Variants in KCNN2 observed in about 807,000 individuals in gnomAD.
KCNN2 encodes the protein small conductance calcium-activated potassium channel protein 2.
KCNN2 carries 24 observed loss-of-function variants against 55.5 expected under a neutral mutation model. The observed-to-expected ratio is 0.43, with a 90% CI of 0.31 to 0.61. The LOEUF (loss-of-function observed/expected upper bound fraction) is 0.61. Ranked by LOEUF, KCNN2 falls within the 20% of genes least tolerant of loss-of-function variation. The probability of loss-of-function intolerance (pLI) is 0.08; values close to 1 mark genes in which losing one functional copy is unlikely to be tolerated. For synonymous variants in KCNN2, 431 were observed against 336.1 expected, an observed-to-expected ratio of 1.28 and a Z score of -3.09; for missense variants, 754 against 853.6, an observed-to-expected ratio of 0.88 and a Z score of 1.45.
At chr5:114,379,955 A>C (rs1228242599) in intron 2 of KCNN2, among the ~76,000 whole-genome samples, 1 of 150,066 alleles carries the variant, frequency 6.7e-6, no homozygotes, top group Non-Finnish European at 1.5e-5. Flanking sequence ...GTGTAAAAAT[A>C]TATAAGTATA....
chr5:114,200,408 C>T (rs1304359107), intron 1 of KCNN2, among the ~76,000 whole-genome samples: 1 of 151,788 alleles, frequency 6.6e-6, no homozygotes, highest in Non-Finnish European at 1.5e-5. Flanking sequence ...TTCTCATTCG[C>T]ATCCTGGATT....
intron 2 of KCNN2, among the ~76,000 whole-genome samples, chr5:114,395,938 C>A (rs1233639511): frequency 6.6e-6 from 1 of 152,170 alleles, no homozygotes; most frequent in Non-Finnish European, 1.5e-5. Flanking sequence ...ATACGATTAC[C>A]CAAATAACAG....
At chr5:114,282,442 G>T (rs558024711) in intron 2 of KCNN2, among the ~76,000 whole-genome samples, 1 of 152,034 alleles carries the variant, frequency 6.6e-6, no homozygotes, top group Non-Finnish European at 1.5e-5. Context: ...CATTATGAAT[G>T]TCTTTTTAAG....
chr5:114,154,528 T>C (rs1752591868), intron 1 of KCNN2, among the ~76,000 whole-genome samples: 1 of 152,156 alleles, frequency 6.6e-6, no homozygotes, highest in Non-Finnish European at 1.5e-5. Flanking sequence ...ATACTGCAAG[T>C]ACCTCTGTTT....
chr5:114,470,338 C>T (rs1304944788), intron 4 of KCNN2, among the ~76,000 whole-genome samples: 3 of 152,176 alleles, frequency 2.0e-5, no homozygotes, highest in Admixed American at 2.0e-4. Context: ...TTTTTATGAC[C>T]TCTGCTTATT....
At chr5:114,072,946 C>T (rs571002347) in intron 1 of KCNN2, among the ~76,000 whole-genome samples, 1 of 152,278 alleles carries the variant, frequency 6.6e-6, no homozygotes, top group South Asian at 2.1e-4. Context: ...CTATTTTTAT[C>T]TCTTACCTGC....
At chr5:114,088,424 G>T (rs757066597) in intron 1 of KCNN2, among the ~76,000 whole-genome samples, 12 of 150,456 alleles carry the variant, frequency 8.0e-5, no homozygotes, top group Admixed American at 1.3e-4. Context: ...TTTCAGTTCT[G>T]TTCTTCTGGG....
chr5:114,177,952 AC>A (rs1217107794), intron 1 of KCNN2, among the ~76,000 whole-genome samples: 17 of 152,106 alleles, frequency 1.1e-4, no homozygotes, highest in African/African-American at 4.1e-4. Flanking sequence ...AAATTCAGAA[AC>A]CTGTGTTACG....
At chr5:114,084,390 C>A (rs1750968021) in intron 1 of KCNN2, among the ~76,000 whole-genome samples, 1 of 151,968 alleles carries the variant, frequency 6.6e-6, no homozygotes, top group African/African-American at 2.4e-5. Context: ...TATGGTATTT[C>A]ACTGTTGCTT....
intron 1 of KCNN2, among the ~76,000 whole-genome samples, chr5:114,084,863 A>G (rs904678218): frequency 2.0e-5 from 3 of 151,986 alleles, no homozygotes; most frequent in African/African-American, 7.2e-5. Context: ...ACCTGTGTCT[A>G]GATTTGCTTT....
intron 7 of KCNN2, among the ~76,000 whole-genome samples, chr5:114,494,217 A>G (rs139339780): frequency 1.2e-4 from 18 of 151,132 alleles, no homozygotes; most frequent in Admixed American, 6.0e-4. Context: ...CTTTTACCCA[A>G]ATGCTTTGAA....
At chr5:114,334,954 C>T (rs1399676998) in intron 2 of KCNN2, among the ~76,000 whole-genome samples, 2 of 152,034 alleles carry the variant, frequency 1.3e-5, no homozygotes, top group Non-Finnish European at 2.9e-5. Context: ...GACTGAGTCT[C>T]GCTCTGTCGC....
chr5:114,267,185 G>C lies in KCNN2; in HGVS notation c.-185+45620G>C, dbSNP rs144346972. On this transcript the variant is annotated intron_variant, in intron 2 of 10. Coordinates refer to the KCNN2 transcript ENST00000512097. ...TAATTTTTGTGTTTGTAGTGAGACG[G>C]GGTTTCACCATATTGGCCAGGATGG... 7.2e-3 allele frequency among the ~76,000 whole-genome samples: 1,099 copies of C among 152,182 alleles called. 19 individuals are homozygous for C. The highest frequency in any genetic ancestry group is 0.024 in the African/African-American group (991 of 41,538).
At chr5:114,487,847 T>C (rs1747649529) in intron 6 of KCNN2, among the ~76,000 whole-genome samples, 2 of 152,212 alleles carry the variant, frequency 1.3e-5, no homozygotes, top group African/African-American at 2.4e-5. Flanking sequence ...TCGATTGTGA[T>C]GCCATGCAGA....
chr5:114,280,656 T>C (rs2150012709), intron 2 of KCNN2, among the ~76,000 whole-genome samples: 1 of 152,096 alleles, frequency 6.6e-6, no homozygotes, highest in African/African-American at 2.4e-5. Flanking sequence ...TTCCATTAAG[T>C]CACCGTAATT....
In KCNN2 at chr5:114,140,387, C is replaced by T. The variant is rs539668421; in HGVS notation, c.-270-81093C>T. Among the ~76,000 whole-genome samples the T allele has an allele frequency of 3.3e-5, 5 of 152,330 alleles. No individual in the cohort carries two copies. In the South Asian group the frequency reaches 1.0e-3, roughly 32 times the overall value. ...TTTGCCTTCTACACCCTGTCCCCAC[C>T]TGCTGTCTCTGATCTGTTTACCTTA... is the stretch of plus-strand genomic sequence containing the variant. On this transcript the variant is annotated intron_variant, in intron 1 of 10. Coordinates refer to the KCNN2 transcript ENST00000512097.
chr5:114,467,892 A>G (rs1283960628), intron 4 of KCNN2, among the ~76,000 whole-genome samples: 9 of 152,118 alleles, frequency 5.9e-5, no homozygotes, highest in Non-Finnish European at 8.8e-5. Context: ...CACTGTTGCT[A>G]ATCAGGAGAT....
At chr5:114,067,067 T>C (rs1370519709) in intron 1 of KCNN2, among the ~76,000 whole-genome samples, 1 of 152,242 alleles carries the variant, frequency 6.6e-6, no homozygotes, top group African/African-American at 2.4e-5. Flanking sequence ...CCCACTTAGG[T>C]AAACCACAGG....
chr5:114,338,420 T>G (rs1346815900), intron 2 of KCNN2, among the ~76,000 whole-genome samples: 1 of 152,214 alleles, frequency 6.6e-6, no homozygotes, highest in Non-Finnish European at 1.5e-5. Context: ...CCAAAGGTCC[T>G]TTCAATGTCC....
Sources: allele counts gnomAD v4.1 joint callset (sites outside exome capture counted in the v4.1 genomes callset), GRCh38; gene constraint gnomAD v4.1.1; transcripts MANE v1.5; gene names NCBI Gene and HGNC (gene_info 2026-07-23, HGNC 2026-07-21).